EBF2: variants seen among roughly 807,000 people sequenced by gnomAD.
EBF2 encodes transcription factor COE2.
EBF2 carries 21 observed loss-of-function variants against 72.8 expected under a neutral mutation model. The observed-to-expected ratio is 0.29, with a 90% CI of 0.20 to 0.42. EBF2 has a LOEUF of 0.42. EBF2 is among the 10% of genes least tolerant of loss of function. The pLI, the probability that EBF2 is intolerant of heterozygous loss-of-function variation, is 1.00. For missense variants in EBF2, 637 were observed against 731.2 expected, an observed-to-expected ratio of 0.87 and a Z score of 1.49; for synonymous variants, 299 against 274.2, an observed-to-expected ratio of 1.09 and a Z score of -0.89.
In EBF2 at chr8:25,850,778, C is replaced by G; in HGVS notation, c.1529-17G>C. On this transcript the variant is annotated splice_polypyrimidine_tract_variant and intron_variant, in intron 14 of 15. Coordinates refer to ENST00000520164, the MANE Select transcript of EBF2 (RefSeq NM_022659.4). ...ATGACATGACTGGAAAGCAAATGCA[C>G]AATCCTCATTTAGAAATTAAGATCT... is the stretch of plus-strand genomic sequence containing the variant. The G allele has an allele frequency of 1.3e-6, 2 of 1,549,588 alleles. No individual in the cohort carries two copies. The highest frequency in any genetic ancestry group is 8.6e-7 in the Non-Finnish European group (1 of 1,156,958).
chr8:26,041,974 T>C, intron 2 of EBF2, 121 bp downstream of exon 2: 1 of 1,432,036 alleles, frequency 7.0e-7, no homozygotes, highest in South Asian at 1.3e-5. Flanking sequence ...GTGAGTAGCC[T>C]CGATTTATCA....
intron 6 of EBF2, among the ~76,000 whole-genome samples, chr8:25,962,833 C>T (rs942330731): frequency 2.6e-5 from 4 of 152,180 alleles, no homozygotes; most frequent in African/African-American, 9.7e-5. Context: ...CAAGTTATGT[C>T]ATTAGTCAGA....
intron 6 of EBF2, among the ~76,000 whole-genome samples, chr8:26,007,665 G>A (rs530404812): frequency 2.6e-4 from 39 of 152,210 alleles, no homozygotes; most frequent in Non-Finnish European, 4.4e-4. Context: ...CTAGGCTCAC[G>A]CCAAGCCTTC....
intron 14 of EBF2, among the ~76,000 whole-genome samples, chr8:25,856,211 T>C (rs1466179255): frequency 6.6e-6 from 1 of 152,210 alleles, no homozygotes; most frequent in South Asian, 2.1e-4. Flanking sequence ...ATTATAAAAT[T>C]GATCATTTTT....
rs184136718 is a variant in EBF2, at chr8:25,937,839, C to T, written c.552-29284G>A. Among the ~76,000 whole-genome samples, 69 of 152,282 alleles carry T rather than the reference C, an allele frequency of 4.5e-4. No homozygotes were observed. The East Asian group carries it at 8.3e-3, about 18-fold the overall frequency. ...AAAACAGATGTGGGCTGTCTGTTGT[C>T]AGACTCCAGTGAAAAAGCTTAGAAG... On this transcript the variant is annotated intron_variant, in intron 6 of 15. Transcript: ENST00000520164.
chr8:25,913,568 C>G (rs767579765), intron 6 of EBF2, among the ~76,000 whole-genome samples: 27 of 152,278 alleles, frequency 1.8e-4, no homozygotes, highest in Middle Eastern at 3.4e-3. Flanking sequence ...AAACTTAGTT[C>G]CTTACTCCCT....
intron 6 of EBF2, among the ~76,000 whole-genome samples, chr8:25,954,887 T>C (rs1803918729): frequency 6.6e-6 from 1 of 152,244 alleles, no homozygotes; most frequent in Non-Finnish European, 1.5e-5. Context: ...AATGGATTGC[T>C]GCCTCTGCGA....
At chr8:25,900,230 T>A (rs1474774727) in intron 7 of EBF2, among the ~76,000 whole-genome samples, 1 of 151,874 alleles carries the variant, frequency 6.6e-6, no homozygotes, top group African/African-American at 2.4e-5. Flanking sequence ...CCAAGGCGAG[T>A]GAATCACTTG....
chr8:25,933,747 T>C (rs921818476), intron 6 of EBF2, among the ~76,000 whole-genome samples: 14 of 152,180 alleles, frequency 9.2e-5, no homozygotes, highest in African/African-American at 3.1e-4. Context: ...AATTATGTTA[T>C]AGAATAACAT....
At chr8:25,956,851 A>G (rs957226443) in intron 6 of EBF2, among the ~76,000 whole-genome samples, 1 of 152,240 alleles carries the variant, frequency 6.6e-6, no homozygotes, top group African/African-American at 2.4e-5. Flanking sequence ...ACACACAATC[A>G]GAACTGAAGG....
chr8:25,895,449 A>G (rs1188232960), intron 7 of EBF2, among the ~76,000 whole-genome samples: 1 of 152,254 alleles, frequency 6.6e-6, no homozygotes, highest in African/African-American at 2.4e-5. Context: ...ATTTTAAATC[A>G]TTTAATTATA....
At chr8:25,908,669 T>C (rs1025379166) in intron 6 of EBF2, 114 bp from the exon 7 acceptor site, 4 of 745,078 alleles carry the variant, frequency 5.4e-6, no homozygotes, top group Non-Finnish European at 8.9e-6. Flanking sequence ...TCTGGGGAAT[T>C]TCAACCTGCC....
chr8:26,010,289 A>G (rs1804955711), intron 6 of EBF2, among the ~76,000 whole-genome samples: 1 of 152,230 alleles, frequency 6.6e-6, no homozygotes, highest in African/African-American at 2.4e-5. Flanking sequence ...AATCTGAGCT[A>G]AAGACAGCTC....
intron 7 of EBF2, among the ~76,000 whole-genome samples, chr8:25,907,745 T>C (rs1007398605): frequency 2.6e-5 from 4 of 152,158 alleles, no homozygotes; most frequent in African/African-American, 9.7e-5. Context: ...TTAATTTTTC[T>C]ATGGAAAAGG....
At chr8:25,968,296 A>G (rs1051324568) in intron 6 of EBF2, among the ~76,000 whole-genome samples, 4 of 152,192 alleles carry the variant, frequency 2.6e-5, no homozygotes, top group African/African-American at 9.7e-5. Context: ...GTGTCCATCA[A>G]CAGATGAAAG....
chr8:25,844,031 A>C lies in EBF2; in HGVS notation c.*578T>G, dbSNP rs944129766. The stretch of plus-strand genomic sequence containing the variant: ...ATTTATTTATTTAAATAATTGTAAA[A>C]CATTTTAAAATTTTTCCCTTTTTTT... On this transcript the variant is annotated 3_prime_UTR_variant, in exon 16 of 16. Coordinates refer to ENST00000520164, the MANE Select transcript of EBF2 (RefSeq NM_022659.4). 1 of 152,096 alleles carries C rather than the reference A, an allele frequency of 6.6e-6. No homozygotes were observed. Among genetic ancestry groups the C allele is most frequent in the Non-Finnish European group, 1.5e-5 (1 of 68,040 alleles). 9.4% of individuals were successfully genotyped at this position (152,096 alleles called of 1,614,324 possible). A position where few individuals can be genotyped will look rare whatever the true frequency, so the allele number is the denominator to read the frequency against.
At chr8:26,021,756 C>T (rs1371191465) in intron 6 of EBF2, among the ~76,000 whole-genome samples, 1 of 152,014 alleles carries the variant, frequency 6.6e-6, no homozygotes, top group East Asian at 1.9e-4. Context: ...TTTTTACTTG[C>T]TAAATATGGC....
chr8:26,006,692 A>G (rs1477672310), intron 6 of EBF2, among the ~76,000 whole-genome samples: 4 of 152,214 alleles, frequency 2.6e-5, no homozygotes, highest in African/African-American at 9.7e-5. Context: ...CCCACTAGCT[A>G]GGCTGATGTT....
At chr8:25,948,714 C>T (rs996736009) in intron 6 of EBF2, among the ~76,000 whole-genome samples, 3 of 152,196 alleles carry the variant, frequency 2.0e-5, no homozygotes, top group African/African-American at 7.2e-5. Flanking sequence ...AGCCCCTGAA[C>T]ACAAGGGAAA....
Sources: gnomAD v4.1 joint callset for allele counts (sites outside exome capture counted in the v4.1 genomes callset) on GRCh38, gnomAD v4.1.1 for gene constraint, MANE v1.5 for transcripts, NCBI Gene and HGNC (gene_info 2026-07-23, HGNC 2026-07-21) for gene names.